FHIT: variants seen among roughly 807,000 people sequenced by gnomAD.
The protein encoded by FHIT is bis(5'-adenosyl)-triphosphatase.
FHIT carries 19 observed loss-of-function variants against 17.9 expected under a neutral mutation model. The observed-to-expected ratio is 1.06, with a 90% CI of 0.74 to 1.56. The LOEUF is 1.56. Among genes scored for constraint, FHIT ranks in the 40% most tolerant of loss-of-function variants. The pLI is 0.00. For missense variants in FHIT, 248 were observed against 189.2 expected (o/e 1.31, Z -1.82); for synonymous variants, 81 against 69.7 (o/e 1.16, Z -0.81).
At chr3:60,843,777 A>C (rs1392950287) in intron 3 of FHIT, among the ~76,000 whole-genome samples, 1 of 152,200 alleles carries the variant, frequency 6.6e-6, no homozygotes, top group Non-Finnish European at 1.5e-5. Context: ...ACACGAGCAC[A>C]CCATGATAAG....
At chr3:60,697,738 C>T (rs2041146962) in intron 4 of FHIT, among the ~76,000 whole-genome samples, 1 of 152,084 alleles carries the variant, frequency 6.6e-6, no homozygotes, top group African/African-American at 2.4e-5. Flanking sequence ...TTTCTGACCC[C>T]TTGTGTCCAG....
At chr3:60,365,465 T>G (rs956971812) in intron 5 of FHIT, among the ~76,000 whole-genome samples, 8 of 152,160 alleles carry the variant, frequency 5.3e-5, no homozygotes, top group Non-Finnish European at 1.2e-4. Flanking sequence ...ACCACACATA[T>G]TTACATTAAA....
At chr3:60,322,086 T>A (rs1365247350) in intron 5 of FHIT, among the ~76,000 whole-genome samples, 1 of 152,214 alleles carries the variant, frequency 6.6e-6, no homozygotes, top group African/African-American at 2.4e-5. Flanking sequence ...CATGGAATTT[T>A]CAAGAAACAC....
chr3:60,685,115 C>T (rs1170651577), intron 4 of FHIT, among the ~76,000 whole-genome samples: 1 of 152,140 alleles, frequency 6.6e-6, no homozygotes, highest in Non-Finnish European at 1.5e-5. Flanking sequence ...AATTAACCTC[C>T]CTAGCCCAAG....
intron 5 of FHIT, among the ~76,000 whole-genome samples, chr3:60,042,269 T>C (rs1254233665): frequency 1.3e-5 from 2 of 152,202 alleles, no homozygotes; most frequent in Admixed American, 1.3e-4. Flanking sequence ...GAATGGAAAA[T>C]GTAACCTGAA....
chr3:61,236,508 G>A (rs2040235023), intron 1 of FHIT, among the ~76,000 whole-genome samples: 1 of 152,018 alleles, frequency 6.6e-6, no homozygotes, highest in South Asian at 2.1e-4. Flanking sequence ...TTCTACAGAG[G>A]GCAGGGAAAA....
At chr3:60,124,428 G>A (rs1576154941) in intron 5 of FHIT, among the ~76,000 whole-genome samples, 1 of 152,002 alleles carries the variant, frequency 6.6e-6, no homozygotes, top group South Asian at 2.1e-4. Context: ...TGATGTTTGT[G>A]TCTTTCTTCA....
chr3:60,097,326 A>C (rs879170768), intron 5 of FHIT, among the ~76,000 whole-genome samples: 1 of 152,148 alleles, frequency 6.6e-6, no homozygotes, highest in Admixed American at 6.5e-5. Flanking sequence ...GGGTCTAAAT[A>C]AAATGAGCTG....
intron 8 of FHIT, among the ~76,000 whole-genome samples, chr3:59,837,875 T>C (rs918300028): frequency 6.6e-6 from 1 of 152,020 alleles, no homozygotes; most frequent in African/African-American, 2.4e-5. Context: ...GGAATAATAG[T>C]AATATCTGCC....
At chr3:60,380,825 A>C (rs1186837842) in intron 5 of FHIT, among the ~76,000 whole-genome samples, 1 of 152,180 alleles carries the variant, frequency 6.6e-6, no homozygotes, top group South Asian at 2.1e-4. Context: ...AGGTTATTCT[A>C]CCAGTGAATA....
intron 7 of FHIT, among the ~76,000 whole-genome samples, chr3:59,983,645 C>T (rs13070349): frequency 0.53 from 80,617 of 151,906 alleles, 22,786 homozygotes; most frequent in South Asian, 0.68. Context: ...TTAGATAAGG[C>T]GGACTAATGT....
At chr3:59,842,129 A>G (rs555284713) in intron 8 of FHIT, among the ~76,000 whole-genome samples, 1 of 152,250 alleles carries the variant, frequency 6.6e-6, no homozygotes, top group African/African-American at 2.4e-5. Context: ...TGACAAATCT[A>G]GATAACTCAT....
chr3:60,814,010 A>T (rs537847720), intron 4 of FHIT, among the ~76,000 whole-genome samples: 1 of 152,230 alleles, frequency 6.6e-6, no homozygotes, highest in East Asian at 1.9e-4. Flanking sequence ...AACAGAACAT[A>T]GCTGTTCTTG....
intron 8 of FHIT, among the ~76,000 whole-genome samples, chr3:59,785,926 G>A (rs551442444): frequency 8.5e-5 from 13 of 152,246 alleles, no homozygotes; most frequent in Non-Finnish European, 1.5e-4. Context: ...CCACCTATGC[G>A]CTCCGCTAAT....
intron 5 of FHIT, among the ~76,000 whole-genome samples, chr3:60,488,676 C>T (rs1349021063): frequency 6.6e-6 from 1 of 152,106 alleles, no homozygotes; most frequent in African/African-American, 2.4e-5. Flanking sequence ...TAAACAGAAC[C>T]TCAGCAGTCC....
chr3:60,061,665 A>G (rs564325853), intron 5 of FHIT, among the ~76,000 whole-genome samples: 2 of 152,360 alleles, frequency 1.3e-5, no homozygotes, highest in South Asian at 4.1e-4. Context: ...TAAATATTAA[A>G]ATATTGCAAG....
intron 5 of FHIT, among the ~76,000 whole-genome samples, chr3:60,017,054 A>C (rs1700369978): frequency 6.6e-6 from 1 of 152,172 alleles, no homozygotes; most frequent in African/African-American, 2.4e-5. Context: ...TCCGATTCTA[A>C]AGTTCATGTT....
chr3:61,105,618 G>T (rs1386992009), intron 2 of FHIT, among the ~76,000 whole-genome samples: 2 of 151,932 alleles, frequency 1.3e-5, no homozygotes, highest in African/African-American at 4.8e-5. Flanking sequence ...AAAAGTCTGG[G>T]ATCAACTCTC....
chr3:60,290,412 C>G (rs1190730452), intron 5 of FHIT, among the ~76,000 whole-genome samples: 1 of 151,974 alleles, frequency 6.6e-6, no homozygotes, highest in South Asian at 2.1e-4. Flanking sequence ...CCTTTCTCTG[C>G]CCTCTTCCTG....
Sources: gnomAD v4.1 joint callset for allele counts (sites outside exome capture counted in the v4.1 genomes callset) on GRCh38, gnomAD v4.1.1 for gene constraint, MANE v1.5 for transcripts, NCBI Gene and HGNC (gene_info 2026-07-23, HGNC 2026-07-21) for gene names.